ZNF320: variants seen among roughly 807,000 people sequenced by gnomAD.
ZNF320 encodes the protein zinc finger gene 320.
A neutral mutation model predicts 6.8 loss-of-function variants in ZNF320; 2 were observed. The observed-to-expected ratio is 0.29, with a 90% CI of 0.12 to 0.93. The LOEUF is 0.93. Ranked by LOEUF, ZNF320 falls within the 40% of genes least tolerant of loss-of-function variation. The probability of loss-of-function intolerance (pLI) is 0.55; values close to 1 mark genes in which losing one functional copy is unlikely to be tolerated. For missense variants in ZNF320, 472 were observed against 611.0 expected (o/e 0.77, Z 2.40); for synonymous variants, 208 against 203.2 (o/e 1.02, Z -0.20).
At position 52,880,572 on chromosome 19, in the gene ZNF320, G is replaced by A; in HGVS notation, c.*24C>T. 6.4e-7 allele frequency: 1 copy of A among 1,569,488 alleles called. No individual in the cohort carries two copies. The highest frequency in any genetic ancestry group is 8.6e-7 in the Non-Finnish European group (1 of 1,159,006). On this transcript the variant is annotated 3_prime_UTR_variant, in exon 6 of 6. Coordinates refer to ENST00000682928, the MANE Select transcript of ZNF320 (RefSeq NM_001351774.2). ...CAATGTTAAGTCAACTCAAACTCAG[G>A]TCAATGCTGATTTGACTCTGATGTC...
upstream of ZNF320, among the ~76,000 whole-genome samples, chr19:52,899,091 T>C (rs1189806962): frequency 6.6e-6 from 1 of 152,244 alleles, no homozygotes; most frequent in East Asian, 1.9e-4. Flanking sequence ...TTGATAGTGA[T>C]TCATATAGTA....
At chr19:52,871,982 G>A (rs11880864), downstream of ZNF320, among the ~76,000 whole-genome samples, 745 of 152,254 alleles carry the variant, frequency 4.9e-3, 5 homozygotes, top group African/African-American at 0.017. Flanking sequence ...CTTCATTACT[G>A]TTTCCCTCCA....
upstream of ZNF320, among the ~76,000 whole-genome samples, chr19:52,898,186 A>G (rs1276276065): frequency 6.6e-6 from 1 of 152,214 alleles, no homozygotes; most frequent in South Asian, 2.1e-4. Context: ...CAGAATAGCA[A>G]ATCCTCTCCC....
intron 4 of ZNF320, among the ~76,000 whole-genome samples, chr19:52,889,634 C>G: frequency 6.6e-6 from 1 of 152,146 alleles, no homozygotes; most frequent in East Asian, 1.9e-4. Flanking sequence ...TAAGAATGGT[C>G]TAACGAATCT....
rs1189413262 is a variant in ZNF320, at chr19:52,880,966, C to T, written c.1160G>A (p.Cys387Tyr). The change falls in exon 6 of 6, where the codon TGT becomes TAT. Residue 387 changes from cysteine (C) to tyrosine (Y), a missense_variant. Cys to Tyr is a radical substitution (Grantham distance 194, BLOSUM62 -2). Transcript: ENST00000682928. The stretch of plus-strand genomic sequence containing the variant: ...ACTAAAAACCTTGCCACATTCATTA[C>T]ATGTGTAAGGTCTCTCTCCAGTATG... Reference protein sequence around the residue: ...RVHTGERPYTCNECGKVFSTK... With the variant: ...RVHTGERPYTYNECGKVFSTK... The T allele has an allele frequency of 1.2e-6, 2 of 1,613,594 alleles. No individual in the cohort carries two copies. Among genetic ancestry groups the T allele is most frequent in the Middle Eastern group, 1.6e-4 (1 of 6,062 alleles).
At chr19:52,890,690 G>A (rs2064260037) in intron 3 of ZNF320, among the ~76,000 whole-genome samples, 1 of 152,072 alleles carries the variant, frequency 6.6e-6, no homozygotes, top group African/African-American at 2.4e-5. Context: ...TAGGCAACAT[G>A]GTGAAACCCC....
Position 52,887,928 on chromosome 19 carries a change from T to C in ZNF320, c.142+199A>G, listed in dbSNP as rs368416060. ...GCCTACTTTAGTTCTGGAACCCACA[T>C]TGAGGTATCATGAAGAACGCAGAAC... On this transcript the variant is annotated intron_variant, in intron 5 of 5. Transcript: ENST00000682928. Among the ~76,000 whole-genome samples the C allele has an allele frequency of 4.3e-3, 660 of 152,204 alleles. 6 individuals are homozygous for C. Among genetic ancestry groups the C allele is most frequent in the African/African-American group, 0.015 (629 of 41,550 alleles).
chr19:52,903,024 A>C, the ZNF320 span, among the ~76,000 whole-genome samples: 136 of 152,314 alleles, frequency 8.9e-4, no homozygotes, highest in Non-Finnish European at 1.7e-3. Flanking sequence ...CCACATTCTT[A>C]TGCCTCCTTA....
downstream of ZNF320, among the ~76,000 whole-genome samples, chr19:52,875,338 T>A (rs1045864565): frequency 1.8e-4 from 28 of 152,142 alleles, no homozygotes; most frequent in Non-Finnish European, 3.5e-4. Context: ...CACAGGATTG[T>A]AGAGCTCAGT....
In ZNF320 at chr19:52,881,964, C is replaced by T; in HGVS notation, c.162G>A (p.Met54Ile). ...LVSLDISSKC[M>I]MNTLSSTGQG... ...GCCCTGTTGATGACAATGTATTCATCATGCATTTGGAAGAGATATCTACAA... is the reference window on the plus strand; with the variant it reads ...GCCCTGTTGATGACAATGTATTCATTATGCATTTGGAAGAGATATCTACAA... The change falls in exon 6 of 6, where the codon ATG becomes ATA. Residue 54 changes from methionine to isoleucine, a missense_variant. Coordinates refer to ENST00000682928, the MANE Select transcript of ZNF320 (RefSeq NM_001351774.2). The T allele has an allele frequency of 1.9e-6, 3 of 1,606,668 alleles. No individual in the cohort carries two copies. The East Asian group carries it at 6.7e-5, about 36-fold the overall frequency.
At chr19:52,863,791 T>A (rs762314702) in exon 6 of ZNF320, 3 of 189,344 alleles carry the variant, frequency 1.6e-5, no homozygotes, top group Non-Finnish European at 3.3e-5. Context: ...CCCAGCACTT[T>A]AGAGGCCGAG....
At chr19:52,903,923 A>C in the ZNF320 span, among the ~76,000 whole-genome samples, 1 of 152,196 alleles carries the variant, frequency 6.6e-6, no homozygotes, top group Non-Finnish European at 1.5e-5. Context: ...GTGCCAATGC[A>C]GGCATGCTGT....
At chr19:52,864,098 T>A (rs757585215) in exon 6 of ZNF320, 1 of 361,368 alleles carries the variant, frequency 2.8e-6, no homozygotes, top group Non-Finnish European at 5.4e-6. Context: ...CTGTGCAGGG[T>A]CCAGGCGTTT....
downstream of ZNF320, among the ~76,000 whole-genome samples, chr19:52,871,731 A>G (rs12461132): frequency 0.18 from 27,973 of 152,144 alleles, 2,837 homozygotes; most frequent in East Asian, 0.28. Context: ...GGTGCTTAAA[A>G]CACTGAAAAA....
At chr19:52,891,410 C>T (rs2064287264) in intron 2 of ZNF320, 64 bp from the exon 3 acceptor site, 1 of 150,066 alleles carries the variant, frequency 6.7e-6, no homozygotes, top group Non-Finnish European at 1.5e-5. Flanking sequence ...ACCTGAGTAA[C>T]ATGATAGAGA....
In ZNF320 at chr19:52,880,373, C is replaced by T. The variant is rs567507530; in HGVS notation, c.*223G>A. On this transcript the variant is annotated 3_prime_UTR_variant, in exon 6 of 6. Transcript: ENST00000682928. The stretch of plus-strand genomic sequence containing the variant: ...AAAAATAAATAAATAAATAAAAGAA[C>T]ATACAGGCTGGGAAAAGTGGCTCCC... The T allele has an allele frequency of 3.0e-5, 14 of 468,232 alleles. No individual in the cohort carries two copies. The highest frequency in any genetic ancestry group is 2.6e-4 in the African/African-American group (13 of 49,938). 29.0% of individuals were successfully genotyped at this position (468,232 alleles called of 1,614,324 possible). A position where few individuals can be genotyped will look rare whatever the true frequency, so the allele number is the denominator to read the frequency against.
chr19:52,861,374 G>A (rs889319134), exon 6 of ZNF320, among the ~76,000 whole-genome samples: 2 of 152,120 alleles, frequency 1.3e-5, no homozygotes, highest in African/African-American at 4.8e-5. Flanking sequence ...TATAAATAGA[G>A]ATAGAACCCA....
chr19:52,868,883 A>G lies in ZNF320; in HGVS notation c.224-4724T>C, dbSNP rs562560932. Among the ~76,000 whole-genome samples, 417 of 152,212 alleles carry G rather than the reference A, an allele frequency of 2.7e-3. 2 individuals carry two copies. The highest frequency in any genetic ancestry group is 4.7e-3 in the Non-Finnish European group (321 of 68,014). On this transcript the variant is annotated intron_variant, in intron 5 of 5. Coordinates refer to the ZNF320 transcript ENST00000673631. ...CACACACTGATTTAGGCAGCCTCCA[A>G]TAATTTTGTCCAGTGGATGAATAAG...
At chr19:52,887,947 G>A (rs1335614795) in intron 5 of ZNF320, among the ~76,000 whole-genome samples, 180 bp downstream of exon 5, 2 of 152,086 alleles carry the variant, frequency 1.3e-5, no homozygotes, top group African/African-American at 2.4e-5. Context: ...CATGAAGAAC[G>A]CAGAACATCT....
Sources: allele counts gnomAD v4.1 joint callset (sites outside exome capture counted in the v4.1 genomes callset), GRCh38; gene constraint gnomAD v4.1.1; transcripts MANE v1.5; gene names NCBI Gene and HGNC (gene_info 2026-07-23, HGNC 2026-07-21).